The following DGKB variants were observed in gnomAD, a reference collection of about 807,000 sequenced individuals.
DGKB encodes the protein 90 kDa diacylglycerol kinase.
A neutral mutation model predicts 114.3 loss-of-function variants in DGKB; 67 were observed. That is an observed-to-expected ratio of 0.59 (90% CI 0.48 to 0.72). DGKB has a LOEUF of 0.72. Ranked by LOEUF, DGKB falls within the 30% of genes least tolerant of loss-of-function variation. DGKB has a pLI of 0.00. For synonymous variants in DGKB, 398 were observed against 323.1 expected (o/e 1.23, Z -2.49); for missense variants, 907 against 975.2 (o/e 0.93, Z 0.93).
chr7:14,852,487 C>CA lies in DGKB; in HGVS notation c.-187-11038dup. On this transcript the variant is annotated intron_variant, in intron 1 of 25. Coordinates refer to ENST00000402815, the MANE Select transcript of DGKB (RefSeq NM_001350709.2). ...GAGGAATAGCTAAAATAGTGAAAGT[C>CA]AAAAAAAAAACAGAAATCAAGCATA... is the stretch of plus-strand genomic sequence containing the variant. Among the ~76,000 whole-genome samples, 41 of 63,604 alleles carry CA rather than the reference C, an allele frequency of 6.4e-4. 5 individuals carry two copies. The highest frequency in any genetic ancestry group is 1.1e-3 in the Non-Finnish European group (37 of 33,816). The allele number at this position is 63,604 out of a possible 152,430, so 41.7% of individuals were successfully genotyped here.
At chr7:14,817,371 T>C (rs938633194) in intron 2 of DGKB, among the ~76,000 whole-genome samples, 1 of 152,210 alleles carries the variant, frequency 6.6e-6, no homozygotes, top group African/African-American at 2.4e-5. Flanking sequence ...GCTCAAAATT[T>C]GGTTTTAGTT....
At chr7:14,921,397 T>C (rs983506913) in intron 1 of DGKB, among the ~76,000 whole-genome samples, 2 of 152,150 alleles carry the variant, frequency 1.3e-5, no homozygotes, top group African/African-American at 2.4e-5. Context: ...AATATTGTCC[T>C]AAAAACTGAA....
chr7:14,163,540 T>C (rs1193770858), intron 25 of DGKB, among the ~76,000 whole-genome samples: 1 of 152,170 alleles, frequency 6.6e-6, no homozygotes, highest in African/African-American at 2.4e-5. Flanking sequence ...AAAAGGTGCT[T>C]TTAGTTTATG....
At position 14,478,237 on chromosome 7, in the gene DGKB, A is replaced by C; in HGVS notation, c.1771-12T>G. The C allele has an allele frequency of 6.5e-7, 1 of 1,549,860 alleles. No individual in the cohort carries two copies. The highest frequency in any genetic ancestry group is 8.8e-7 in the Non-Finnish European group (1 of 1,139,536). ...GCAATGGAGGCATCCTAAGGGGAGA[A>C]AATAGAAAACAAAAACAGGATGGTT... is the stretch of plus-strand genomic sequence containing the variant. On this transcript the variant is annotated splice_polypyrimidine_tract_variant and intron_variant, in intron 20 of 25. Transcript: ENST00000402815.
intron 13 of DGKB, among the ~76,000 whole-genome samples, chr7:14,631,278 A>C (rs199935736): frequency 6.7e-6 from 1 of 150,336 alleles, no homozygotes; most frequent in Non-Finnish European, 1.5e-5. Flanking sequence ...AAAAAAAAAA[A>C]AAAAGAAAAA....
chr7:14,585,937 C>T (rs754962028), intron 17 of DGKB, among the ~76,000 whole-genome samples: 11 of 152,102 alleles, frequency 7.2e-5, no homozygotes, highest in Non-Finnish European at 1.2e-4. Flanking sequence ...CACCCACCAG[C>T]GGTTCTCCTG....
chr7:14,207,485 G>A (rs950390530), intron 23 of DGKB, among the ~76,000 whole-genome samples: 1 of 151,952 alleles, frequency 6.6e-6, no homozygotes, highest in Admixed American at 6.6e-5. Flanking sequence ...TCTGTGGTGA[G>A]GTGTTGGACT....
At chr7:14,514,855 A>C (rs1788531063) in intron 20 of DGKB, among the ~76,000 whole-genome samples, 1 of 151,986 alleles carries the variant, frequency 6.6e-6, no homozygotes, top group African/African-American at 2.4e-5. Context: ...GGAGTTTAAG[A>C]TCAGCCTGAG....
chr7:14,894,162 C>G (rs1781736456), intron 1 of DGKB, among the ~76,000 whole-genome samples: 1 of 151,338 alleles, frequency 6.6e-6, no homozygotes, highest in African/African-American at 2.4e-5. Context: ...TGCCGATTCT[C>G]ATGTGAAGGA....
chr7:14,548,756 C>CAG (rs964878378), intron 20 of DGKB, among the ~76,000 whole-genome samples: 1 of 151,972 alleles, frequency 6.6e-6, no homozygotes, highest in Non-Finnish European at 1.5e-5. Flanking sequence ...AGACTGGAAG[C>CAG]AGAGAGAGCA....
At chr7:14,164,763 G>C (rs1005653223) in intron 25 of DGKB, among the ~76,000 whole-genome samples, 6 of 151,972 alleles carry the variant, frequency 3.9e-5, no homozygotes, top group Non-Finnish European at 1.5e-5. Context: ...TTTTGGGGGG[G>C]TATAATTGGG....
At chr7:14,483,477 G>T (rs977950108) in intron 20 of DGKB, among the ~76,000 whole-genome samples, 1 of 152,120 alleles carries the variant, frequency 6.6e-6, no homozygotes, top group South Asian at 2.1e-4. Context: ...AGTTGATGAC[G>T]TAAAGGACTG....
chr7:14,558,701 A>G (rs1044417627), intron 20 of DGKB, among the ~76,000 whole-genome samples: 4 of 152,200 alleles, frequency 2.6e-5, no homozygotes, highest in African/African-American at 4.8e-5. Flanking sequence ...GGCTGTATCC[A>G]GATGTCTAAG....
intron 5 of DGKB, among the ~76,000 whole-genome samples, chr7:14,733,887 A>C (rs1831303784): frequency 2.0e-5 from 3 of 152,084 alleles, no homozygotes; most frequent in Admixed American, 2.0e-4. Context: ...GTACAACATA[A>C]GGCTTAATAT....
chr7:14,471,964 T>A (rs1781482148), intron 21 of DGKB, among the ~76,000 whole-genome samples: 4 of 152,144 alleles, frequency 2.6e-5, no homozygotes. Flanking sequence ...CTATCTTTGT[T>A]TCATTCCAAA....
rs35685758 is a variant in DGKB, at chr7:14,644,116, C to CAAAA, written c.1135-13852_1135-13849dup. Reference sequence around the variant, plus strand: ...CATATGCTACTGATTTGATTACAGGCAAAAAAAAAAAAAATCATATGGAGA... The same window carrying CAAAA: ...CATATGCTACTGATTTGATTACAGGCAAAAAAAAAAAAAAAAAATCATATGGAGA... On this transcript the variant is annotated intron_variant, in intron 13 of 25. Coordinates refer to ENST00000402815, the MANE Select transcript of DGKB (RefSeq NM_001350709.2). 1.2e-3 allele frequency among the ~76,000 whole-genome samples: 162 copies of CAAAA among 138,886 alleles called. 1 individual carries two copies. The highest frequency in any genetic ancestry group is 4.0e-3 in the African/African-American group (153 of 37,860). The allele number at this position is 138,886 out of a possible 152,430, so 91.1% of individuals were successfully genotyped here.
chr7:14,803,582 T>C (rs1724861230), intron 2 of DGKB, among the ~76,000 whole-genome samples: 1 of 152,160 alleles, frequency 6.6e-6, no homozygotes, highest in African/African-American at 2.4e-5. Context: ...TTCAACACTG[T>C]TAGACACTGT....
chr7:14,157,751 G>T (rs1481679885), intron 25 of DGKB, among the ~76,000 whole-genome samples: 1 of 152,114 alleles, frequency 6.6e-6, no homozygotes, highest in African/African-American at 2.4e-5. Context: ...TTATTTCCAT[G>T]TCTCTACAGA....
intron 23 of DGKB, among the ~76,000 whole-genome samples, chr7:14,266,997 T>C (rs1274336604): frequency 9.9e-6 from 1 of 100,880 alleles, no homozygotes; most frequent in African/African-American, 6.2e-5. Flanking sequence ...ATATAGATAA[T>C]GAACAAGTTG....
Sources: gnomAD v4.1 joint callset for allele counts (sites outside exome capture counted in the v4.1 genomes callset) on GRCh38, gnomAD v4.1.1 for gene constraint, MANE v1.5 for transcripts, NCBI Gene and HGNC (gene_info 2026-07-23, HGNC 2026-07-21) for gene names.